Variants in DLG2 observed in about 807,000 individuals in gnomAD.
The protein encoded by DLG2 is discs large MAGUK scaffold protein 2, also known as disks large homolog 2.
In DLG2, 45 loss-of-function variants were observed where a neutral mutation model predicts 132.5. That is an observed-to-expected ratio of 0.34 (90% confidence interval 0.27 to 0.44). The LOEUF is 0.44. Among genes scored for constraint, DLG2 ranks in the 20% least tolerant of loss-of-function variants. DLG2 has a pLI of 1.00. For missense variants in DLG2, 1,045 were observed against 1,196.9 expected (o/e 0.87, Z 1.87); for synonymous variants, 424 against 419.6 (o/e 1.01, Z -0.13).
At chr11:83,806,780 T>C (rs1309497825) in intron 17 of DLG2, among the ~76,000 whole-genome samples, 1 of 152,122 alleles carries the variant, frequency 6.6e-6, no homozygotes, top group African/African-American at 2.4e-5. Flanking sequence ...AGACTCCTGT[T>C]CCTCTAAAGA....
At chr11:83,941,019 C>T (rs1370126723) in intron 14 of DLG2, among the ~76,000 whole-genome samples, 2 of 152,130 alleles carry the variant, frequency 1.3e-5, no homozygotes, top group Admixed American at 6.5e-5. Flanking sequence ...GAGACGATTC[C>T]CTCTTATGAG....
chr11:84,885,659 C>A (rs1286902136), intron 6 of DLG2, among the ~76,000 whole-genome samples: 2 of 152,064 alleles, frequency 1.3e-5, no homozygotes, highest in African/African-American at 4.8e-5. Context: ...GATTAAAATA[C>A]CCATCTCATA....
intron 6 of DLG2, among the ~76,000 whole-genome samples, chr11:85,087,142 T>C (rs1373913211): frequency 3.9e-5 from 6 of 152,208 alleles, no homozygotes; most frequent in East Asian, 3.9e-4. Context: ...ACTAGGTATA[T>C]AGTGAACAGA....
At chr11:84,392,965 G>T (rs2098797911) in intron 7 of DLG2, among the ~76,000 whole-genome samples, 1 of 152,054 alleles carries the variant, frequency 6.6e-6, no homozygotes, top group Non-Finnish European at 1.5e-5. Context: ...GCTTCAAAAT[G>T]AACATTTTAA....
intron 9 of DLG2, among the ~76,000 whole-genome samples, chr11:84,118,462 C>G (rs1428827759): frequency 6.6e-6 from 1 of 152,178 alleles, no homozygotes; most frequent in Non-Finnish European, 1.5e-5. Context: ...CTCCCATCTA[C>G]TAGAGTGAAG....
At chr11:84,795,147 G>T (rs2153946951) in intron 6 of DLG2, among the ~76,000 whole-genome samples, 1 of 152,262 alleles carries the variant, frequency 6.6e-6, no homozygotes, top group East Asian at 1.9e-4. Context: ...CCACTCTTTA[G>T]CCCATAAAAA....
At chr11:83,710,839 A>C (rs528553360) in intron 18 of DLG2, among the ~76,000 whole-genome samples, 2 of 152,318 alleles carry the variant, frequency 1.3e-5, no homozygotes, top group African/African-American at 4.8e-5. Flanking sequence ...ACTCCAGAAT[A>C]AAAAAGGTAA....
intron 3 of DLG2, among the ~76,000 whole-genome samples, chr11:85,395,935 G>A (rs2087312177): frequency 6.6e-6 from 1 of 152,212 alleles, no homozygotes; most frequent in African/African-American, 2.4e-5. Context: ...TGGGGTTTGA[G>A]CTCTGAGAAC....
chr11:85,098,908 C>T (rs2070383322), intron 6 of DLG2, among the ~76,000 whole-genome samples: 1 of 152,292 alleles, frequency 6.6e-6, no homozygotes, highest in Non-Finnish European at 1.5e-5. Context: ...ATCCCTTCTC[C>T]ACCTGCTCCA....
intron 11 of DLG2, among the ~76,000 whole-genome samples, chr11:84,020,150 A>C (rs748971351): frequency 7.9e-5 from 12 of 152,184 alleles, no homozygotes; most frequent in Admixed American, 3.3e-4. Context: ...CTAAATTGGG[A>C]TATTAAAGGA....
At chr11:83,540,463 C>T (rs1338546027) in intron 20 of DLG2, among the ~76,000 whole-genome samples, 1 of 152,074 alleles carries the variant, frequency 6.6e-6, no homozygotes, top group Non-Finnish European at 1.5e-5. Context: ...GGGAGAGGCT[C>T]CCTGGAATTT....
In DLG2 at chr11:85,149,305, C is replaced by T. The variant is rs77475873; in HGVS notation, c.282+5251G>A. Among the ~76,000 whole-genome samples the T allele has an allele frequency of 1.1e-3, 165 of 152,066 alleles. 2 individuals are homozygous for T. In the Middle Eastern group the frequency reaches 0.014, roughly 13 times the overall value. On this transcript the variant is annotated intron_variant, in intron 5 of 27. Transcript: ENST00000376104. ...GTGAAGAATGTCAATAGTATTTTGA[C>T]GGGAATAGCATTGAATCTATAAAAT...
chr11:85,191,838 C>T (rs902275666), intron 4 of DLG2, among the ~76,000 whole-genome samples: 2 of 152,134 alleles, frequency 1.3e-5, no homozygotes, highest in African/African-American at 2.4e-5. Flanking sequence ...GCTTTACATA[C>T]ATTATCTCAA....
chr11:83,835,636 T>C lies in DLG2; in HGVS notation c.1566-1866A>G, dbSNP rs113675383. On this transcript the variant is annotated intron_variant, in intron 16 of 27. Coordinates refer to ENST00000376104, the MANE Select transcript of DLG2 (RefSeq NM_001142699.3). Reference sequence around the variant, plus strand: ...ATGAAGTCACTGTTTTAGTTTTCTATTGCTGAATAACAAGTTACCACAAAT... The same window carrying C: ...ATGAAGTCACTGTTTTAGTTTTCTACTGCTGAATAACAAGTTACCACAAAT... 8.6e-3 allele frequency among the ~76,000 whole-genome samples: 1,316 copies of C among 152,286 alleles called. 24 individuals carry two copies. Among genetic ancestry groups the C allele is most frequent in the African/African-American group, 0.03 (1,251 of 41,550 alleles).
chr11:85,570,088 C>T (rs1471337627), intron 3 of DLG2, among the ~76,000 whole-genome samples: 4 of 152,126 alleles, frequency 2.6e-5, no homozygotes, highest in Non-Finnish European at 5.9e-5. Context: ...ATGTAACAAA[C>T]CTACATATGT....
At chr11:84,482,564 T>C (rs2099140562) in intron 7 of DLG2, among the ~76,000 whole-genome samples, 2 of 152,206 alleles carry the variant, frequency 1.3e-5, no homozygotes, top group South Asian at 2.1e-4. Context: ...CACAGAACTG[T>C]TGAGAGGTTA....
chr11:85,461,695 A>G lies in DLG2; in HGVS notation c.40+136962T>C, dbSNP rs796610906. ...ACTTCCCCAAGCCACATGCAGCAGCAAAAAAGGAGACGGAAACTGACAAAG... is the reference window on the plus strand; with the variant it reads ...ACTTCCCCAAGCCACATGCAGCAGCGAAAAAGGAGACGGAAACTGACAAAG... On this transcript the variant is annotated intron_variant, in intron 3 of 27. Transcript: ENST00000376104. Among the ~76,000 whole-genome samples the G allele has an allele frequency of 5.3e-5, 8 of 152,344 alleles. No individual in the cohort carries two copies. In the South Asian group the frequency reaches 1.7e-3, roughly 32 times the overall value.
chr11:85,017,333 G>A (rs557213273), intron 6 of DLG2, among the ~76,000 whole-genome samples: 2 of 143,482 alleles, frequency 1.4e-5, no homozygotes, highest in Admixed American at 7.1e-5. Context: ...TGTCCAGGGA[G>A]TATGTCATAT....
intron 14 of DLG2, among the ~76,000 whole-genome samples, chr11:83,955,450 G>C (rs1033017343): frequency 6.6e-6 from 1 of 152,112 alleles, no homozygotes; most frequent in Non-Finnish European, 1.5e-5. Flanking sequence ...AGGCAGATAG[G>C]GGTGGGTAAC....
Sources: gnomAD v4.1 joint callset for allele counts (sites outside exome capture counted in the v4.1 genomes callset) on GRCh38, gnomAD v4.1.1 for gene constraint, MANE v1.5 for transcripts, NCBI Gene and HGNC (gene_info 2026-07-23, HGNC 2026-07-21) for gene names.